PCBP3: variants seen among roughly 807,000 people sequenced by gnomAD.
PCBP3 encodes poly(rC)-binding protein 3.
PCBP3 carries 25 observed loss-of-function variants against 52.7 expected under a neutral mutation model. That is an observed-to-expected ratio of 0.47 (90% CI 0.35 to 0.66). The LOEUF is 0.66. PCBP3 is among the 30% of genes least tolerant of loss of function. PCBP3 has a pLI of 0.01. For synonymous variants in PCBP3, 162 were observed against 183.0 expected (o/e 0.89, Z 0.93); for missense variants, 391 against 490.3 (o/e 0.80, Z 1.91).
chr21:45,844,717 G>T (rs1162864522), intron 4 of PCBP3, among the ~76,000 whole-genome samples: 22 of 151,862 alleles, frequency 1.4e-4, no homozygotes, highest in Non-Finnish European at 2.5e-4. Context: ...GCAACGTTAG[G>T]GTCCAAACTC....
chr21:45,725,695 C>T (rs1247930423), intron 2 of PCBP3, among the ~76,000 whole-genome samples: 1 of 152,124 alleles, frequency 6.6e-6, no homozygotes, highest in Non-Finnish European at 1.5e-5. Context: ...ACACAGCAGG[C>T]ACATGCTACA....
chr21:45,739,091 C>G (rs2086147680), intron 3 of PCBP3, among the ~76,000 whole-genome samples: 1 of 140,370 alleles, frequency 7.1e-6, no homozygotes, highest in Admixed American at 7.1e-5. Context: ...CATCAGCCCA[C>G]CCCTTCCTGT....
intron 4 of PCBP3, among the ~76,000 whole-genome samples, chr21:45,793,352 G>A (rs1037951061): frequency 5.3e-5 from 8 of 152,064 alleles, no homozygotes; most frequent in Admixed American, 2.0e-4. Flanking sequence ...AGCTATTCCC[G>A]AGCACAGACC....
chr21:45,900,207 G>A (rs553250672), intron 7 of PCBP3, among the ~76,000 whole-genome samples: 27 of 152,282 alleles, frequency 1.8e-4, no homozygotes, highest in African/African-American at 6.3e-4. Flanking sequence ...GAGAGGGCGC[G>A]TCTCTGAGAG....
intron 3 of PCBP3, among the ~76,000 whole-genome samples, chr21:45,740,489 A>G (rs2086346666): frequency 6.6e-6 from 1 of 152,262 alleles, no homozygotes; most frequent in South Asian, 2.1e-4. Flanking sequence ...TAAAGGGCAA[A>G]AGTCACCAAG....
At chr21:45,919,814 GGTGT>G (rs749618031) in intron 13 of PCBP3, among the ~76,000 whole-genome samples, 55 of 148,810 alleles carry the variant, frequency 3.7e-4, no homozygotes, top group East Asian at 5.9e-4. Flanking sequence ...CAGAAGCAGA[GGTGT>G]GTGTGTGTGT....
intron 5 of PCBP3, among the ~76,000 whole-genome samples, chr21:45,887,761 G>A (rs776336563): frequency 6.6e-6 from 1 of 152,200 alleles, no homozygotes; most frequent in Non-Finnish European, 1.5e-5. Context: ...TTAGGCTATT[G>A]GTGCATCCTG....
intron 9 of PCBP3, among the ~76,000 whole-genome samples, chr21:45,905,124 T>G (rs1185930491): frequency 6.6e-6 from 1 of 152,228 alleles, no homozygotes; most frequent in Admixed American, 6.5e-5. Flanking sequence ...GGCGAAGTGT[T>G]GAAATCTTAC....
At chr21:45,924,477 G>T (rs1441118794) in intron 13 of PCBP3, among the ~76,000 whole-genome samples, 2 of 119,472 alleles carry the variant, frequency 1.7e-5, no homozygotes, top group East Asian at 2.6e-4. Flanking sequence ...GATCGGGTGT[G>T]CGTGAGGAGA....
At chr21:45,696,794 A>C (rs901643089) in intron 2 of PCBP3, among the ~76,000 whole-genome samples, 1 of 102,852 alleles carries the variant, frequency 9.7e-6, no homozygotes, top group Non-Finnish European at 2.1e-5. Context: ...TGTCTCAAGA[A>C]AAAAAAAAAA....
chr21:45,789,634 G>A (rs1014173921), intron 4 of PCBP3, among the ~76,000 whole-genome samples: 2 of 152,218 alleles, frequency 1.3e-5, no homozygotes, highest in African/African-American at 4.8e-5. Context: ...CCGGAGCAGA[G>A]CGAGCAAGGG....
At chr21:45,896,409 A>T in intron 6 of PCBP3, 47 bp downstream of exon 6, 1 of 1,533,204 alleles carries the variant, frequency 6.5e-7, no homozygotes, top group Non-Finnish European at 8.8e-7. Context: ...GCCGCGGCAG[A>T]CAGAACCAGA....
chr21:45,665,889 G>A (rs887400487), intron 1 of PCBP3, among the ~76,000 whole-genome samples: 2 of 152,094 alleles, frequency 1.3e-5, no homozygotes, highest in East Asian at 3.8e-4. Context: ...ACTAGCAATC[G>A]AAATCCAACA....
intron 1 of PCBP3, among the ~76,000 whole-genome samples, chr21:45,667,109 TTTC>T (rs1268821213): frequency 2.0e-5 from 2 of 100,826 alleles, no homozygotes; most frequent in African/African-American, 8.7e-5. Context: ...TTTCTTTCTT[TTTC>T]TTTCTTTCCC....
intron 5 of PCBP3, among the ~76,000 whole-genome samples, chr21:45,878,716 C>T (rs2095328603): frequency 6.6e-6 from 1 of 152,228 alleles, no homozygotes; most frequent in Admixed American, 6.5e-5. Context: ...CGTGGTTCTG[C>T]ATAAGATTTA....
At chr21:45,883,107 T>C (rs1241646047) in intron 5 of PCBP3, among the ~76,000 whole-genome samples, 1 of 152,236 alleles carries the variant, frequency 6.6e-6, no homozygotes, top group Non-Finnish European at 1.5e-5. Flanking sequence ...TTATTTTCAT[T>C]CAGGTCAATG....
chr21:45,701,808 A>G (rs2083146160), intron 2 of PCBP3, among the ~76,000 whole-genome samples: 1 of 152,150 alleles, frequency 6.6e-6, no homozygotes, highest in South Asian at 2.1e-4. Flanking sequence ...GATCTGCCCA[A>G]TTTGGCCTCC....
At chr21:45,677,082 A>G (rs938609225) in intron 2 of PCBP3, among the ~76,000 whole-genome samples, 16 of 152,190 alleles carry the variant, frequency 1.1e-4, no homozygotes, top group African/African-American at 3.9e-4. Context: ...ACTTTAAATG[A>G]AAAACTAGAA....
chr21:45,905,475 C>T (rs1225967636), intron 9 of PCBP3, among the ~76,000 whole-genome samples: 3 of 152,202 alleles, frequency 2.0e-5, no homozygotes, highest in Admixed American at 2.0e-4. Flanking sequence ...AGGACTGTGC[C>T]GAAGGAGAGA....
Sources: gnomAD v4.1 joint callset for allele counts (sites outside exome capture counted in the v4.1 genomes callset) on GRCh38, gnomAD v4.1.1 for gene constraint, MANE v1.5 for transcripts, NCBI Gene and HGNC (gene_info 2026-07-23, HGNC 2026-07-21) for gene names.